PDXDC1: variants seen among roughly 807,000 people sequenced by gnomAD.
PDXDC1 encodes the protein pyridoxal dependent decarboxylase domain containing 1, also known as pyridoxal-dependent decarboxylase domain-containing protein 1.
A neutral mutation model predicts 100.1 loss-of-function variants in PDXDC1; 42 were observed. The ratio of observed to expected loss-of-function variants is 0.42; its 90% confidence interval spans 0.33 to 0.54. The LOEUF (loss-of-function observed/expected upper bound fraction) is 0.54. Ranked by LOEUF, PDXDC1 falls within the 20% of genes least tolerant of loss-of-function variation. The pLI is 0.10. For synonymous variants in PDXDC1, 260 were observed against 371.7 expected (o/e 0.70, Z 3.46); for missense variants, 636 against 979.2 (o/e 0.65, Z 4.68).
intron 16 of PDXDC1, among the ~76,000 whole-genome samples, chr16:15,054,785 T>C (rs2044436591): frequency 6.6e-6 from 1 of 152,168 alleles, no homozygotes. Context: ...GTGAGGACAC[T>C]ACTCTTATCT....
chr16:14,975,034 C>G lies in PDXDC1; in HGVS notation c.-166C>G. The G allele has an allele frequency of 6.5e-7, 1 of 1,528,650 alleles. No individual in the cohort carries two copies. The highest frequency in any genetic ancestry group is 8.7e-7 in the Non-Finnish European group (1 of 1,143,502). The allele number at this position is 1,528,650 out of a possible 1,614,324, so 94.7% of individuals were successfully genotyped here. Reference sequence around the variant, plus strand: ...GGGCCCCGCCCCGCCGCCTCTCAACCATCAGGTTCGGCAGCCCGCGGCGCC... The same window carrying G: ...GGGCCCCGCCCCGCCGCCTCTCAACGATCAGGTTCGGCAGCCCGCGGCGCC... On this transcript the variant is annotated 5_prime_UTR_variant, in exon 1 of 23. Coordinates refer to ENST00000396410, the MANE Select transcript of PDXDC1 (RefSeq NM_015027.4).
chr16:15,117,729 C>T (rs1344780306), intron 16 of PDXDC1, among the ~76,000 whole-genome samples: 2 of 110,088 alleles, frequency 1.8e-5, no homozygotes, highest in Admixed American at 1.0e-4. Context: ...AAAGCTTCCT[C>T]CAATTTATAC....
Position 15,033,295 on chromosome 16 carries a change from A to C in PDXDC1, c.1708A>C (p.Met570Leu), listed in dbSNP as rs554306057. Residue 570 changes from methionine to leucine, a missense_variant, in exon 19 of 23, where the codon ATG becomes CTG. Coordinates refer to ENST00000396410, the MANE Select transcript of PDXDC1 (RefSeq NM_015027.4). Reference sequence around the variant, plus strand: ...CTTTGCAGGCCCTGAGTATAAGAGCATGAAGAGCTGCCTTTATGTCGGCAT... The same window carrying C: ...CTTTGCAGGCCCTGAGTATAAGAGCCTGAAGAGCTGCCTTTATGTCGGCAT... ...TFKIGPEYKS[M>L]KSCLYVGMAS... 6.2e-7 allele frequency: 1 copy of C among 1,614,214 alleles called. No individual in the cohort carries two copies. Among genetic ancestry groups the C allele is most frequent in the Non-Finnish European group, 8.5e-7 (1 of 1,180,030 alleles).
chr16:14,995,976 TTGG>T, intron 1 of PDXDC1, among the ~76,000 whole-genome samples: 1 of 152,284 alleles, frequency 6.6e-6, no homozygotes, highest in Admixed American at 6.5e-5. Context: ...TTCTGTGGGA[TTGG>T]TGGTGATATC....
chr16:15,149,372 G>A, the PDXDC1 span, among the ~76,000 whole-genome samples: 1 of 152,212 alleles, frequency 6.6e-6, no homozygotes, highest in Non-Finnish European at 1.5e-5. Flanking sequence ...TCCTTCTGCT[G>A]AGGGCTCATG....
At chr16:15,133,068 T>C in intron 16 of PDXDC1, 1 of 660,318 alleles carries the variant, frequency 1.5e-6, no homozygotes, top group Non-Finnish European at 2.6e-6. Flanking sequence ...GGGGCTGCAT[T>C]GTGGAAAGCA....
At chr16:15,148,885 C>T in the PDXDC1 span, among the ~76,000 whole-genome samples, 3 of 152,238 alleles carry the variant, frequency 2.0e-5, no homozygotes, top group African/African-American at 4.8e-5. Flanking sequence ...TGCCGGCAAT[C>T]GCGTACAGGA....
At chr16:15,069,868 T>C (rs1401297832) in intron 16 of PDXDC1, among the ~76,000 whole-genome samples, 1 of 152,176 alleles carries the variant, frequency 6.6e-6, no homozygotes, top group Non-Finnish European at 1.5e-5. Flanking sequence ...CTTAAGGGGT[T>C]TGTAGGGTTC....
chr16:15,083,297 G>A (rs2045779336), intron 16 of PDXDC1, among the ~76,000 whole-genome samples: 1 of 152,264 alleles, frequency 6.6e-6, no homozygotes, highest in East Asian at 1.9e-4. Context: ...TAATGGGGAG[G>A]CTGAGGCAGG....
At chr16:14,986,593 C>T (rs1173855029) in intron 1 of PDXDC1, among the ~76,000 whole-genome samples, 4 of 152,294 alleles carry the variant, frequency 2.6e-5, no homozygotes, top group Non-Finnish European at 2.9e-5. Flanking sequence ...ATTGAACCCA[C>T]GTCATTTATA....
chr16:15,111,531 G>A (rs888815098), intron 16 of PDXDC1, among the ~76,000 whole-genome samples: 30 of 148,336 alleles, frequency 2.0e-4, no homozygotes, highest in African/African-American at 7.1e-4. Context: ...AGGCCGAGGC[G>A]GGTGAATCAC....
At chr16:15,111,114 T>C (rs1373661576) in intron 16 of PDXDC1, among the ~76,000 whole-genome samples, 1 of 121,946 alleles carries the variant, frequency 8.2e-6, no homozygotes, top group South Asian at 2.9e-4. Flanking sequence ...AGCGACAGAA[T>C]GAGACTCTGT....
intron 16 of PDXDC1, among the ~76,000 whole-genome samples, chr16:15,051,675 G>T (rs1597813429): frequency 6.9e-6 from 1 of 145,062 alleles, no homozygotes; most frequent in African/African-American, 2.6e-5. Context: ...GAGCCACTGT[G>T]CCCAGCCTCT....
At chr16:15,142,190 G>C (rs1309523438), downstream of PDXDC1, among the ~76,000 whole-genome samples, 1 of 152,146 alleles carries the variant, frequency 6.6e-6, no homozygotes, top group African/African-American at 2.4e-5. Flanking sequence ...GCTGGGAGCT[G>C]ACAAGCCAGG....
intron 16 of PDXDC1, among the ~76,000 whole-genome samples, chr16:15,059,191 C>T (rs755872959): frequency 2.6e-5 from 4 of 152,148 alleles, no homozygotes; most frequent in South Asian, 2.1e-4. Context: ...TGGTGTGTGA[C>T]GTGAGCCTGG....
intron 16 of PDXDC1, among the ~76,000 whole-genome samples, chr16:15,096,959 T>C (rs1294907476): frequency 6.6e-6 from 1 of 152,198 alleles, no homozygotes; most frequent in Non-Finnish European, 1.5e-5. Flanking sequence ...ACTCCCATTC[T>C]TTCCCTTAAA....
chr16:15,145,213 C>A, the PDXDC1 span, among the ~76,000 whole-genome samples: 7 of 152,202 alleles, frequency 4.6e-5, no homozygotes, highest in Admixed American at 3.9e-4. Flanking sequence ...CATCTGCGCC[C>A]GGCTGTGCGG....
chr16:15,048,761 C>A (rs1253942671), intron 16 of PDXDC1, among the ~76,000 whole-genome samples: 1 of 151,978 alleles, frequency 6.6e-6, no homozygotes, highest in Non-Finnish European at 1.5e-5. Flanking sequence ...ATAGCTGGGA[C>A]TACAGGCTTG....
At chr16:15,040,919 C>T, downstream of PDXDC1, 1 of 662,234 alleles carries the variant, frequency 1.5e-6, no homozygotes, top group Non-Finnish European at 2.7e-6. Context: ...GCTACTTGCC[C>T]AAGGCCTCAC....
Sources: allele counts gnomAD v4.1 joint callset (sites outside exome capture counted in the v4.1 genomes callset), GRCh38; gene constraint gnomAD v4.1.1; transcripts MANE v1.5; gene names NCBI Gene and HGNC (gene_info 2026-07-23, HGNC 2026-07-21).